DAB1: variants seen among roughly 807,000 people sequenced by gnomAD.
The protein encoded by DAB1 is DAB adaptor protein 1, also known as disabled homolog 1.
DAB1 carries 15 observed loss-of-function variants against 64.6 expected under a neutral mutation model. The observed-to-expected ratio is 0.23, with a 90% CI of 0.16 to 0.36. DAB1 has a LOEUF of 0.36. Ranked by LOEUF, DAB1 falls within the 10% of genes least tolerant of loss-of-function variation. DAB1 has a pLI of 1.00. For missense variants in DAB1, 596 were observed against 706.7 expected (o/e 0.84, Z 1.78); for synonymous variants, 235 against 251.9 (o/e 0.93, Z 0.64).
intron 1 of DAB1, among the ~76,000 whole-genome samples, chr1:57,372,064 G>A (rs1680537930): frequency 6.6e-6 from 1 of 152,188 alleles, no homozygotes; most frequent in Non-Finnish European, 1.5e-5. Context: ...ATTTAGCAGA[G>A]AGGCCTGTGG....
chr1:57,307,681 C>T (rs915052712), intron 1 of DAB1, among the ~76,000 whole-genome samples: 21 of 152,018 alleles, frequency 1.4e-4, no homozygotes, highest in Non-Finnish European at 2.5e-4. Context: ...GAATCCAGAC[C>T]ACATCCCCTT....
intron 9 of DAB1, among the ~76,000 whole-genome samples, chr1:57,026,822 C>T (rs1364311115): frequency 6.6e-6 from 1 of 152,210 alleles, no homozygotes; most frequent in East Asian, 1.9e-4. Context: ...AGGCCAGCCA[C>T]AGCAGCTAAA....
intron 6 of DAB1, among the ~76,000 whole-genome samples, chr1:57,783,911 C>G (rs1327778611): frequency 6.6e-6 from 1 of 152,140 alleles, no homozygotes; most frequent in Non-Finnish European, 1.5e-5. Flanking sequence ...CTCTCCTTCT[C>G]TTCAGGCTTC....
intron 2 of DAB1, among the ~76,000 whole-genome samples, chr1:57,264,431 T>C (rs1670426755): frequency 6.6e-6 from 1 of 152,226 alleles, no homozygotes; most frequent in Admixed American, 6.5e-5. Flanking sequence ...GAATGGAGGA[T>C]GGGTATTCTG....
At chr1:57,314,710 G>C (rs954302968) in intron 1 of DAB1, among the ~76,000 whole-genome samples, 2 of 151,474 alleles carry the variant, frequency 1.3e-5, no homozygotes, top group Non-Finnish European at 2.9e-5. Context: ...TTGAGCTCAG[G>C]AGTCCCAGGC....
intron 4 of DAB1, among the ~76,000 whole-genome samples, chr1:58,269,816 G>A (rs2100426441): frequency 1.7e-5 from 1 of 60,134 alleles, no homozygotes; most frequent in Admixed American, 2.2e-4. Flanking sequence ...CTGCATAAAT[G>A]TCTTCTTTTG....
At chr1:57,090,865 C>T (rs868337506) in intron 4 of DAB1, among the ~76,000 whole-genome samples, 9 of 152,124 alleles carry the variant, frequency 5.9e-5, no homozygotes, top group Non-Finnish European at 1.0e-4. Context: ...CTGAGCTCTA[C>T]CTCCTATCAG....
At chr1:57,718,821 G>A (rs1460266962) in intron 6 of DAB1, among the ~76,000 whole-genome samples, 2 of 152,084 alleles carry the variant, frequency 1.3e-5, no homozygotes, top group South Asian at 4.2e-4. Flanking sequence ...TAACACCAGG[G>A]TGAAAATAAT....
At chr1:57,122,679 C>G (rs1656768119) in intron 4 of DAB1, among the ~76,000 whole-genome samples, 1 of 152,084 alleles carries the variant, frequency 6.6e-6, no homozygotes, top group Admixed American at 6.6e-5. Context: ...TTTCAGATCC[C>G]ACTAATTCTA....
chr1:58,504,457 C>T (rs1422294800), intron 3 of DAB1, among the ~76,000 whole-genome samples: 1 of 152,170 alleles, frequency 6.6e-6, no homozygotes, highest in African/African-American at 2.4e-5. Context: ...GACAACCGAA[C>T]ATAGACTAGT....
intron 1 of DAB1, among the ~76,000 whole-genome samples, chr1:57,292,092 A>T (rs909652089): frequency 6.6e-6 from 1 of 152,212 alleles, no homozygotes; most frequent in African/African-American, 2.4e-5. Flanking sequence ...ATATTAAGAA[A>T]AAGCTATTAG....
chr1:58,260,870 T>C (rs1661032217), intron 4 of DAB1, among the ~76,000 whole-genome samples: 1 of 152,164 alleles, frequency 6.6e-6, no homozygotes, highest in Non-Finnish European at 1.5e-5. Context: ...GATGACACAG[T>C]ATTGTCATTA....
chr1:57,727,666 TTC>T (rs1200362489), intron 6 of DAB1, among the ~76,000 whole-genome samples: 2 of 151,982 alleles, frequency 1.3e-5, no homozygotes, highest in African/African-American at 4.8e-5. Context: ...CTCTCTCCTC[TTC>T]TCTTTCTCCT....
At chr1:57,388,751 C>G (rs1047962627) in intron 1 of DAB1, among the ~76,000 whole-genome samples, 3 of 152,196 alleles carry the variant, frequency 2.0e-5, no homozygotes, top group African/African-American at 7.2e-5. Context: ...GTTTCCCCTT[C>G]TGGTTTTCTT....
At chr1:57,179,737 T>C (rs1422467651) in intron 2 of DAB1, among the ~76,000 whole-genome samples, 1 of 152,184 alleles carries the variant, frequency 6.6e-6, no homozygotes, top group Non-Finnish European at 1.5e-5. Flanking sequence ...AAAAAATACA[T>C]ACTAGAAACA....
At chr1:58,389,793 A>G (rs1644461767) in intron 3 of DAB1, among the ~76,000 whole-genome samples, 1 of 152,102 alleles carries the variant, frequency 6.6e-6, no homozygotes, top group African/African-American at 2.4e-5. Flanking sequence ...GGCAGGGGAG[A>G]GAAGGAGCTG....
chr1:57,744,994 T>C (rs969535409), intron 6 of DAB1, among the ~76,000 whole-genome samples: 1 of 152,214 alleles, frequency 6.6e-6, no homozygotes, highest in African/African-American at 2.4e-5. Flanking sequence ...TCTTAAATGA[T>C]CCAATGTCTA....
chr1:57,921,493 T>C (rs1264679923), intron 5 of DAB1, among the ~76,000 whole-genome samples: 1 of 152,182 alleles, frequency 6.6e-6, no homozygotes, highest in African/African-American at 2.4e-5. Context: ...ATCCCTCTCC[T>C]TGTCTCAGTA....
intron 6 of DAB1, among the ~76,000 whole-genome samples, chr1:57,768,945 A>G (rs1649440032): frequency 6.6e-6 from 1 of 151,922 alleles, no homozygotes; most frequent in Non-Finnish European, 1.5e-5. Flanking sequence ...CTTTGGCCAC[A>G]CCCCCAACCA....
Sources: allele counts gnomAD v4.1 joint callset (sites outside exome capture counted in the v4.1 genomes callset), GRCh38; gene constraint gnomAD v4.1.1; transcripts MANE v1.5; gene names NCBI Gene and HGNC (gene_info 2026-07-23, HGNC 2026-07-21).